The following PLXNA4 variants were observed in gnomAD, a reference collection of about 807,000 sequenced individuals.
PLXNA4 encodes the protein plexin A4.
Under a neutral mutation model 191.8 loss-of-function variants are expected in PLXNA4, and 44 were observed. The observed-to-expected ratio is 0.23, with a 90% CI of 0.18 to 0.29. The LOEUF is 0.29. Ranked by LOEUF, PLXNA4 falls within the 10% of genes least tolerant of loss-of-function variation. The pLI is 1.00. For missense variants in PLXNA4, 1,800 were observed against 2,488.8 expected (o/e 0.72, Z 5.89); for synonymous variants, 1,082 against 1,009.5 (o/e 1.07, Z -1.36).
rs769179772 is a variant in PLXNA4, at chr7:132,179,811, G to T, written c.3750C>A (p.Ile1250=). ...CAATGAGCACGGCCACGATGAAAAT[G>T]ATGAGGAGGCCGCCAGCCACTGCGA... ...VSIAVAGGLL[I]IFIVAVLIAY... is the part of the protein sequence containing the mutation. Residue 1250 remains isoleucine (I), a synonymous_variant, in exon 20 of 32, where the codon ATC becomes ATA. Transcript: ENST00000321063. The T allele has an allele frequency of 6.2e-7, 1 of 1,613,260 alleles. No individual in the cohort carries two copies. Among genetic ancestry groups the T allele is most frequent in the Non-Finnish European group, 8.5e-7 (1 of 1,179,944 alleles).
intron 1 of PLXNA4, among the ~76,000 whole-genome samples, chr7:132,562,657 TCC>T (rs1801271099): frequency 1.0e-5 from 1 of 98,484 alleles, no homozygotes; most frequent in South Asian, 4.6e-4. Context: ...CTCCTCCTCC[TCC>T]TTCTCTTCCT....
At chr7:132,132,025 C>T (rs1277734348) in intron 31 of PLXNA4, among the ~76,000 whole-genome samples, 1 of 152,248 alleles carries the variant, frequency 6.6e-6, no homozygotes, top group Non-Finnish European at 1.5e-5. Flanking sequence ...GCTTCTCTTA[C>T]TACCGTCCAC....
intron 1 of PLXNA4, among the ~76,000 whole-genome samples, chr7:132,538,215 ATG>A (rs1799928414): frequency 6.6e-6 from 1 of 152,152 alleles, no homozygotes; most frequent in Non-Finnish European, 1.5e-5. Context: ...GCCCAGAGAC[ATG>A]TCAGTGTCCA....
chr7:132,354,059 C>T (rs1009397063), intron 3 of PLXNA4, among the ~76,000 whole-genome samples: 1 of 152,164 alleles, frequency 6.6e-6, no homozygotes, highest in African/African-American at 2.4e-5. Context: ...AGAGTGGGAC[C>T]TCCTGGAATG....
rs763207649 is a variant in PLXNA4, at chr7:132,227,634, G to A, written c.1729-30C>T. ...GAACAGCCAGGCGGGGGGAGAGAAGGAGGAGGGTGAAATGGGAAAAGGACA... is the reference window on the plus strand; with the variant it reads ...GAACAGCCAGGCGGGGGGAGAGAAGAAGGAGGGTGAAATGGGAAAAGGACA... On this transcript the variant is annotated intron_variant, in intron 6 of 31. Coordinates refer to ENST00000321063, the MANE Select transcript of PLXNA4 (RefSeq NM_020911.2). The A allele has an allele frequency of 4.3e-6, 7 of 1,613,724 alleles. No homozygotes were observed. In the East Asian group the frequency reaches 1.6e-4, roughly 36 times the overall value.
intron 3 of PLXNA4, among the ~76,000 whole-genome samples, chr7:132,469,009 C>G (rs1007781466): frequency 2.0e-5 from 3 of 150,880 alleles, no homozygotes; most frequent in Non-Finnish European, 4.4e-5. Context: ...GATGTTAGTA[C>G]CAAGGGCTTC....
chr7:132,484,736 C>T (rs1797477519), intron 3 of PLXNA4: 1 of 1,576,912 alleles, frequency 6.3e-7, no homozygotes, highest in Non-Finnish European at 8.6e-7. Flanking sequence ...GATTTCCTGA[C>T]ACTTCCATCC....
chr7:132,566,377 T>C (rs1801725171), intron 1 of PLXNA4, among the ~76,000 whole-genome samples: 1 of 152,100 alleles, frequency 6.6e-6, no homozygotes. Context: ...CCATGGGAAA[T>C]GCCTAACTTC....
chr7:132,236,537 G>A (rs767034305), intron 5 of PLXNA4, among the ~76,000 whole-genome samples: 1 of 152,088 alleles, frequency 6.6e-6, no homozygotes, highest in Non-Finnish European at 1.5e-5. Flanking sequence ...CCATGGTGGG[G>A]GCCTAACAAA....
Position 132,227,485 on chromosome 7 carries a change from T to G in PLXNA4, c.1848A>C (p.Ala616=), listed in dbSNP as rs745774649. ...TGATGATCCGGGGCACCTCCTTGGC[T>G]GCAGGGGAGTAGCACTGGATCTGAT... ...VGNQIQCYSP[A]AKEVPRIITE... The change falls in exon 7 of 32, where the codon GCA becomes GCC. Residue 616 remains alanine (A), a synonymous_variant. Transcript: ENST00000321063. The G allele has an allele frequency of 2.5e-6, 4 of 1,614,088 alleles. No homozygotes were observed. The African/African-American group carries it at 5.3e-5, about 22-fold the overall frequency.
At chr7:132,337,977 A>T (rs547247774) in intron 3 of PLXNA4, among the ~76,000 whole-genome samples, 1 of 152,262 alleles carries the variant, frequency 6.6e-6, no homozygotes, top group African/African-American at 2.4e-5. Flanking sequence ...ATTTAGGTTC[A>T]TCTTCTCTTG....
intron 30 of PLXNA4, among the ~76,000 whole-genome samples, chr7:132,139,677 T>C (rs1795209350): frequency 6.6e-6 from 1 of 152,228 alleles, no homozygotes; most frequent in South Asian, 2.1e-4. Flanking sequence ...CCATATGGGT[T>C]GGCAGAGGCC....
At chr7:132,201,930 G>A (rs1009964467) in intron 12 of PLXNA4, among the ~76,000 whole-genome samples, 15 of 152,306 alleles carry the variant, frequency 9.8e-5, no homozygotes, top group Admixed American at 3.9e-4. Flanking sequence ...CTGTAGGTGC[G>A]TGTGAAATCC....
intron 1 of PLXNA4, among the ~76,000 whole-genome samples, chr7:132,515,491 C>G (rs1798903700): frequency 6.6e-6 from 1 of 152,176 alleles, no homozygotes; most frequent in African/African-American, 2.4e-5. Context: ...TACAGTGTCT[C>G]CCACCACAAC....
chr7:132,129,968 T>C lies in PLXNA4; in HGVS notation c.*511A>G, dbSNP rs972860076. The C allele has an allele frequency of 6.1e-6, 1 of 162,672 alleles. No individual in the cohort carries two copies. Among genetic ancestry groups the C allele is most frequent in the Non-Finnish European group, 1.4e-5 (1 of 73,624 alleles). The allele number at this position is 162,672 out of a possible 1,614,324, so 10.1% of individuals were successfully genotyped here. A position where few individuals can be genotyped will look rare whatever the true frequency, so the allele number is the denominator to read the frequency against. Reference sequence around the variant, plus strand: ...GCGATCAGACCACTGGCTGAACCACTGGAGATGGAACTGTGGGAAGGGAGA... The same window carrying C: ...GCGATCAGACCACTGGCTGAACCACCGGAGATGGAACTGTGGGAAGGGAGA... On this transcript the variant is annotated 3_prime_UTR_variant, in exon 32 of 32. Coordinates refer to ENST00000321063, the MANE Select transcript of PLXNA4 (RefSeq NM_020911.2).
upstream of PLXNA4, among the ~76,000 whole-genome samples, chr7:132,580,861 G>A (rs1172980552): frequency 4.6e-5 from 7 of 152,284 alleles, no homozygotes; most frequent in South Asian, 1.0e-3. Context: ...AAAAACCACA[G>A]GCAGGCAGTC....
chr7:132,561,167 G>A (rs1801023031), intron 1 of PLXNA4, among the ~76,000 whole-genome samples: 1 of 151,996 alleles, frequency 6.6e-6, no homozygotes, highest in Non-Finnish European at 1.5e-5. Context: ...CAAGGGCTGT[G>A]CTCTCACCTC....
At chr7:132,367,376 G>T (rs1804228966) in intron 3 of PLXNA4, among the ~76,000 whole-genome samples, 1 of 152,106 alleles carries the variant, frequency 6.6e-6, no homozygotes, top group African/African-American at 2.4e-5. Context: ...AACTCTTCAG[G>T]CATGACAGCA....
At chr7:132,620,914 G>T (rs531120572) in intron 2 of PLXNA4, among the ~76,000 whole-genome samples, 21 of 152,214 alleles carry the variant, frequency 1.4e-4, no homozygotes, top group African/African-American at 4.8e-4. Flanking sequence ...GACCAATTTA[G>T]TATCCAGTAA....
Sources: gnomAD v4.1 joint callset for allele counts (sites outside exome capture counted in the v4.1 genomes callset) on GRCh38, gnomAD v4.1.1 for gene constraint, MANE v1.5 for transcripts, NCBI Gene and HGNC (gene_info 2026-07-23, HGNC 2026-07-21) for gene names.